Variants in CENPU observed in about 807,000 individuals in gnomAD.
CENPU encodes the protein KSHV latent nuclear antigen interacting protein 1.
A neutral mutation model predicts 56.7 loss-of-function variants in CENPU; 46 were observed. The ratio of observed to expected loss-of-function variants is 0.81; its 90% CI spans 0.64 to 1.04. The LOEUF (loss-of-function observed/expected upper bound fraction) is 1.04, where lower values mean the gene tolerates loss of function less well. CENPU is among the 50% of genes least tolerant of loss of function. The pLI is 0.00. For synonymous variants in CENPU, 166 were observed against 163.0 expected (o/e 1.02, Z -0.14); for missense variants, 510 against 490.1 (o/e 1.04, Z -0.38).
chr4:184,730,601 TA>T (rs34956667), intron 2 of CENPU, among the ~76,000 whole-genome samples: 119,924 of 150,336 alleles, frequency 0.8, 48,569 homozygotes, highest in East Asian at 1. Context: ...CATGAAATCA[TA>T]AAACAATTCT....
chr4:184,720,383 G>C (rs77754604), intron 4 of CENPU, among the ~76,000 whole-genome samples: 1 of 151,994 alleles, frequency 6.6e-6, no homozygotes, highest in Non-Finnish European at 1.5e-5. Context: ...ATGCCTACAG[G>C]GTCTAGAAAA....
At chr4:184,719,387 G>A (rs1561140646) in intron 4 of CENPU, among the ~76,000 whole-genome samples, 1 of 152,244 alleles carries the variant, frequency 6.6e-6, no homozygotes, top group Non-Finnish European at 1.5e-5. Flanking sequence ...ATTCAGTGCT[G>A]TCCTGTAACA....
intron 5 of CENPU, among the ~76,000 whole-genome samples, chr4:184,716,880 C>T (rs1383062591): frequency 6.6e-6 from 1 of 152,148 alleles, no homozygotes. Flanking sequence ...TACAAGAATG[C>T]TATGAAAATT....
At chr4:184,699,054 G>A (rs1333164943) in intron 11 of CENPU, among the ~76,000 whole-genome samples, 5 of 152,036 alleles carry the variant, frequency 3.3e-5, no homozygotes, top group Admixed American at 1.3e-4. Flanking sequence ...CAGGCTGGGC[G>A]CGGTGGCTCA....
At chr4:184,700,257 T>A (rs908461177) in intron 11 of CENPU, among the ~76,000 whole-genome samples, 4 of 152,124 alleles carry the variant, frequency 2.6e-5, no homozygotes, top group Admixed American at 2.6e-4. Context: ...GGGAGTGGAT[T>A]CACATGCATG....
intron 8 of CENPU, among the ~76,000 whole-genome samples, chr4:184,703,039 CA>C (rs1306426086): frequency 1.3e-5 from 2 of 151,904 alleles, no homozygotes; most frequent in African/African-American, 2.4e-5. Flanking sequence ...CATATGAGAG[CA>C]CCATTTTAAA....
At chr4:184,704,424 G>C (rs992069699) in intron 8 of CENPU, among the ~76,000 whole-genome samples, 1 of 152,054 alleles carries the variant, frequency 6.6e-6, no homozygotes, top group Non-Finnish European at 1.5e-5. Flanking sequence ...GGGAGGAATA[G>C]GCAACACATC....
At chr4:184,712,554 C>A (rs1192530786) in intron 7 of CENPU, among the ~76,000 whole-genome samples, 2 of 152,194 alleles carry the variant, frequency 1.3e-5, no homozygotes, top group African/African-American at 4.8e-5. Context: ...TAAACACACA[C>A]TGAACTCCAG....
chr4:184,698,640 G>A (rs1407681118), intron 11 of CENPU, among the ~76,000 whole-genome samples: 1 of 152,124 alleles, frequency 6.6e-6, no homozygotes, highest in Non-Finnish European at 1.5e-5. Flanking sequence ...AGTAGAGACG[G>A]GGTTTCACCA....
chr4:184,700,991 A>C (rs1760516426), intron 10 of CENPU, 110 bp from the exon 11 acceptor site: 1 of 810,222 alleles, frequency 1.2e-6, no homozygotes, highest in African/African-American at 1.7e-5. Context: ...CCCAGTTCTT[A>C]CCATCACAGA....
rs749385718 is a variant in CENPU at position 184,716,471 on chromosome 4, T to G, written c.544A>C (p.Thr182Pro). The G allele has an allele frequency of 5.0e-6, 8 of 1,614,196 alleles. No individual in the cohort carries two copies. Among genetic ancestry groups the G allele is most frequent in the Non-Finnish European group, 6.8e-6 (8 of 1,180,020 alleles). Residue 182 changes from threonine (T) to proline (P), a missense_variant, in exon 6 of 13, where the codon ACT (threonine) becomes CCT (proline). Coordinates refer to ENST00000281453, the MANE Select transcript of CENPU (RefSeq NM_024629.4). Reference protein sequence around the residue: ...ELSEKPAESVTSKKTGPLSAQ... With the variant: ...ELSEKPAESVPSKKTGPLSAQ... ...CTAAGGGGTCCTGTCTTTTTAGAAG[T>G]GACAGACTCAGCTGGTTTCTCTGAA...
rs1270004510 is a variant in CENPU at position 184,695,363 on chromosome 4, T to C, written c.1182A>G (p.Ala394=). The C allele has an allele frequency of 6.2e-7, 1 of 1,613,360 alleles. No homozygotes were observed. The highest frequency in any genetic ancestry group is 8.5e-7 in the Non-Finnish European group (1 of 1,179,478). The change falls in exon 13 of 13, where the codon GCA becomes GCG. Residue 394 remains alanine (A), a synonymous_variant. Coordinates refer to ENST00000281453, the MANE Select transcript of CENPU (RefSeq NM_024629.4). Reference sequence around the variant, plus strand: ...GGCTTTCGGCTCCCAGAAGTGTTCTTGCTTTAAATAACAGAGCTGGAAGGC... The same window carrying C: ...GGCTTTCGGCTCCCAGAAGTGTTCTCGCTTTAAATAACAGAGCTGGAAGGC... ...SSSLPALLFK[A]RTLLGAESHL... is the part of the protein sequence containing the mutation.
In CENPU at chr4:184,716,378, G is replaced by A; in HGVS notation, c.618+19C>T. On this transcript the variant is annotated intron_variant, in intron 6 of 12. Coordinates refer to ENST00000281453, the MANE Select transcript of CENPU (RefSeq NM_024629.4). ...AATAAACTTTTTTTGCCCTCCTAGG[G>A]GATGGCAGACGTTCTTACCGATTGA... is the stretch of plus-strand genomic sequence containing the variant. The A allele has an allele frequency of 6.3e-7, 1 of 1,581,468 alleles. No homozygotes were observed. Among genetic ancestry groups the A allele is most frequent in the Non-Finnish European group, 8.7e-7 (1 of 1,154,202 alleles).
intron 2 of CENPU, 61 bp downstream of exon 2, chr4:184,730,859 C>A: frequency 1.5e-6 from 2 of 1,361,916 alleles, no homozygotes; most frequent in Non-Finnish European, 1.0e-6. Context: ...CTGAGGTACC[C>A]AAAAAATGTT....
chr4:184,710,202 A>T (rs1185929557), intron 7 of CENPU, 22 bp from the exon 8 acceptor site: 11 of 1,498,906 alleles, frequency 7.3e-6, no homozygotes, highest in Non-Finnish European at 1.0e-5. Context: ...AGATAAGTTA[A>T]CATGCTGGTT....
chr4:184,698,185 A>G (rs1433517775), intron 11 of CENPU: 4 of 160,230 alleles, frequency 2.5e-5, no homozygotes, highest in East Asian at 1.9e-4. Context: ...AAGCCTTCCC[A>G]GTGCTCCTTC....
In CENPU at chr4:184,734,019, T is replaced by G; in HGVS notation, c.44A>C (p.Glu15Ala). ...GRRRPRPHRSEGARRSKNTLE... is the reference protein window; with the variant it reads ...GRRRPRPHRSAGARRSKNTLE... Reference sequence around the variant, plus strand: ...CCCGAGGGTCGGCAGTACTTACCCCTCAGACCTGTGAGGCCGCGGCCGCCG... The same window carrying G: ...CCCGAGGGTCGGCAGTACTTACCCCGCAGACCTGTGAGGCCGCGGCCGCCG... Residue 15 changes from glutamate to alanine, a missense_variant, in exon 1 of 13, where the codon GAG becomes GCG. By Grantham distance (107) the Glu-to-Ala change is moderately radical (BLOSUM62 -1). Coordinates refer to ENST00000281453, the MANE Select transcript of CENPU (RefSeq NM_024629.4). 6.2e-7 allele frequency: 1 copy of G among 1,604,158 alleles called. No homozygotes were observed. Among genetic ancestry groups the G allele is most frequent in the Non-Finnish European group, 8.5e-7 (1 of 1,176,894 alleles).
At chr4:184,726,861 G>A (rs35818633) in intron 3 of CENPU, among the ~76,000 whole-genome samples, 26,944 of 151,730 alleles carry the variant, frequency 0.18, 3,553 homozygotes, top group East Asian at 0.7. Flanking sequence ...GGCCGAGGCA[G>A]GTGGACCACC....
chr4:184,717,775 G>C (rs1761141104), intron 4 of CENPU, among the ~76,000 whole-genome samples: 1 of 152,210 alleles, frequency 6.6e-6, no homozygotes, highest in South Asian at 2.1e-4. Context: ...GCAAGCATCT[G>C]ACAGAGAAGA....
Sources: gnomAD v4.1 joint callset for allele counts (sites outside exome capture counted in the v4.1 genomes callset) on GRCh38, gnomAD v4.1.1 for gene constraint, MANE v1.5 for transcripts, NCBI Gene and HGNC (gene_info 2026-07-23, HGNC 2026-07-21) for gene names.